The following OSBPL5 variants were observed in gnomAD, a reference collection of about 807,000 sequenced individuals.
OSBPL5 encodes the protein oxysterol-binding protein-related protein 5.
Under a neutral mutation model 111.2 loss-of-function variants are expected in OSBPL5, and 71 were observed. That is an observed-to-expected ratio of 0.64 (90% CI 0.53 to 0.78). The LOEUF (loss-of-function observed/expected upper bound fraction) is 0.78. OSBPL5 is among the 30% of genes least tolerant of loss of function. The pLI is 0.00. For missense variants in OSBPL5, 1,210 were observed against 1,189.3 expected (o/e 1.02, Z -0.26); for synonymous variants, 549 against 513.9 (o/e 1.07, Z -0.93).
rs536920363 is a variant in OSBPL5 at position 3,110,539 on chromosome 11, A to T, written c.692-2594T>A. On this transcript the variant is annotated intron_variant, in intron 7 of 21. Transcript: ENST00000263650. The surrounding 1 kb of genome is among the most constrained non-coding windows in gnomAD (Gnocchi z 5.3). ...GTCTAATGTGGATGATAACAGTAGAACCTGTTGTTTCAATGGTGCCTGGTG... is the reference window on the plus strand; with the variant it reads ...GTCTAATGTGGATGATAACAGTAGATCCTGTTGTTTCAATGGTGCCTGGTG... Among the ~76,000 whole-genome samples, 1 of 152,158 alleles carries T rather than the reference A, an allele frequency of 6.6e-6. No individual in the cohort carries two copies. The highest frequency in any genetic ancestry group is 1.9e-4 in the East Asian group (1 of 5,190).
At position 3,092,279 on chromosome 11, in the gene OSBPL5, C is replaced by T. The variant is rs1296581106; in HGVS notation, c.2259+153G>A. ...ATCCCGGTTTCCTGAGTCCCATGCT[C>T]GGCAGAGAAGGAAAGGGGACGAGGG... On this transcript the variant is annotated intron_variant, in intron 19 of 21. Transcript: ENST00000263650. The surrounding 1 kb of genome is among the most constrained non-coding windows in gnomAD (Gnocchi z 5.4). 3.9e-5 allele frequency among the ~76,000 whole-genome samples: 6 copies of T among 152,062 alleles called. No individual in the cohort carries two copies. The highest frequency in any genetic ancestry group is 1.9e-4 in the East Asian group (1 of 5,186).
intron 1 of OSBPL5, among the ~76,000 whole-genome samples, chr11:3,131,265 T>C (rs1190053381): frequency 1.3e-5 from 2 of 151,982 alleles, no homozygotes; most frequent in African/African-American, 4.8e-5. Context: ...TCCACTCATC[T>C]ATACACCAGT....
Position 3,106,890 on chromosome 11 carries a change from CGCCCTCCTCT to C in OSBPL5, c.1059+363_1059+372del, listed in dbSNP as rs1266818761. Among the ~76,000 whole-genome samples the C allele has an allele frequency of 6.6e-6, 1 of 152,200 alleles. No individual in the cohort carries two copies. The highest frequency in any genetic ancestry group is 1.5e-5 in the Non-Finnish European group (1 of 68,038). On this transcript the variant is annotated intron_variant, in intron 9 of 21. Transcript: ENST00000263650. This position sits in a 1 kb window ranked among gnomAD's most constrained non-coding sequence, Gnocchi z 8.4. ...TGTGAGCATGGGACTCAGGTCCACA[CGCCCTCCTCT>C]GCGCTCCTCCAGGAAGTGGGGCCGC...
chr11:3,107,602 C>A lies in OSBPL5; in HGVS notation c.867-147G>T. ...AACCCACATTTGACACGATCAGCCC[C>A]GTTTTAGAGGAAGGAACCGAGGCTC... is the stretch of plus-strand genomic sequence containing the variant. On this transcript the variant is annotated intron_variant, in intron 8 of 21. Transcript: ENST00000263650. This position sits in a 1 kb window ranked among gnomAD's most constrained non-coding sequence, Gnocchi z 6.1. 1.5e-6 allele frequency: 2 copies of A among 1,353,706 alleles called. No individual in the cohort carries two copies. The allele number at this position is 1,353,706 out of a possible 1,614,324, so 83.9% of individuals were successfully genotyped here.
intron 1 of OSBPL5, among the ~76,000 whole-genome samples, chr11:3,159,217 T>G (rs916989848): frequency 6.6e-6 from 1 of 152,136 alleles, no homozygotes; most frequent in African/African-American, 2.4e-5. Flanking sequence ...GGTATGTTCT[T>G]GAGGCGGGCG....
At chr11:3,145,383 C>T (rs1172199697) in intron 1 of OSBPL5, among the ~76,000 whole-genome samples, 1 of 152,230 alleles carries the variant, frequency 6.6e-6, no homozygotes, top group South Asian at 2.1e-4. Context: ...TCCCACAGGC[C>T]AGGCCACTTC....
intron 7 of OSBPL5, among the ~76,000 whole-genome samples, chr11:3,108,982 G>A (rs567629316): frequency 6.6e-6 from 1 of 152,262 alleles, no homozygotes; most frequent in South Asian, 2.1e-4. Context: ...TGGTCAGGCT[G>A]GTCTCGAACT....
At chr11:3,112,956 G>A (rs1410179578) in intron 7 of OSBPL5, among the ~76,000 whole-genome samples, 1 of 151,586 alleles carries the variant, frequency 6.6e-6, no homozygotes. Context: ...TCTAAGACAG[G>A]AAAAAAAAAT....
intron 1 of OSBPL5, among the ~76,000 whole-genome samples, chr11:3,132,474 A>G (rs928993043): frequency 6.6e-6 from 1 of 151,994 alleles, no homozygotes; most frequent in Non-Finnish European, 1.5e-5. Context: ...TGTTCATTTT[A>G]AAGGCCACAT....
At chr11:3,131,357 C>T (rs1590695379) in intron 1 of OSBPL5, among the ~76,000 whole-genome samples, 1 of 122,690 alleles carries the variant, frequency 8.2e-6, no homozygotes. Flanking sequence ...ATCCATCCAT[C>T]CATCCATCCA....
chr11:3,134,968 C>T (rs1290856901), intron 1 of OSBPL5, among the ~76,000 whole-genome samples: 1 of 152,184 alleles, frequency 6.6e-6, no homozygotes, highest in Non-Finnish European at 1.5e-5. Flanking sequence ...AGAAGCTCGG[C>T]CCATGGAAGG....
intron 14 of OSBPL5, 22 bp from the exon 15 acceptor site, chr11:3,094,356 G>A (rs748526827): frequency 5.6e-6 from 9 of 1,604,102 alleles, no homozygotes; most frequent in Middle Eastern, 1.7e-4. Context: ...CCAGTGTCAG[G>A]GGCCAGGCGG....
chr11:3,152,851 A>G (rs1175794017), intron 1 of OSBPL5, among the ~76,000 whole-genome samples: 1 of 152,206 alleles, frequency 6.6e-6, no homozygotes, highest in African/African-American at 2.4e-5. Context: ...ATCAAGCATC[A>G]TGGAATACCA....
intron 3 of OSBPL5, among the ~76,000 whole-genome samples, chr11:3,124,110 A>G (rs1266626538): frequency 6.6e-6 from 1 of 152,214 alleles, no homozygotes; most frequent in Non-Finnish European, 1.5e-5. Flanking sequence ...CCCACAGCTC[A>G]GGTCATCGTT....
chr11:3,139,706 CCTCT>C (rs1439099000), intron 1 of OSBPL5, among the ~76,000 whole-genome samples: 2 of 152,132 alleles, frequency 1.3e-5, no homozygotes, highest in African/African-American at 2.4e-5. Context: ...AGCCTCCCCT[CCTCT>C]CTCTCTGTCT....
At chr11:3,153,999 C>T (rs1001655756) in intron 1 of OSBPL5, among the ~76,000 whole-genome samples, 1 of 152,242 alleles carries the variant, frequency 6.6e-6, no homozygotes, top group South Asian at 2.1e-4. Context: ...CAGCCCCGCA[C>T]ACACAGCAGG....
intron 7 of OSBPL5, among the ~76,000 whole-genome samples, chr11:3,116,305 A>G (rs545763273): frequency 1.3e-5 from 2 of 152,260 alleles, no homozygotes; most frequent in Middle Eastern, 3.4e-3. Flanking sequence ...TTCCTTGTCA[A>G]TTGTGTCTTT....
At chr11:3,102,660 C>T (rs1857498394) in intron 11 of OSBPL5, among the ~76,000 whole-genome samples, 1 of 146,278 alleles carries the variant, frequency 6.8e-6, no homozygotes, top group African/African-American at 2.6e-5. Flanking sequence ...CGACTCAGGC[C>T]ATCCTTTCAC....
intron 14 of OSBPL5, 45 bp from the exon 15 acceptor site, chr11:3,094,379 T>A (rs1313057339): frequency 1.3e-6 from 2 of 1,526,760 alleles, no homozygotes; most frequent in Admixed American, 1.7e-5. Flanking sequence ...CCAGCCCTGC[T>A]GAGCCCCAGG....
Sources: allele counts gnomAD v4.1 joint callset (sites outside exome capture counted in the v4.1 genomes callset), GRCh38; gene constraint gnomAD v4.1.1; non-coding constraint Gnocchi (gnomAD v3.1); transcripts MANE v1.5; gene names NCBI Gene and HGNC (gene_info 2026-07-23, HGNC 2026-07-21).